The following DAB1 variants were observed in gnomAD, a reference collection of about 807,000 sequenced individuals.
DAB1 encodes the protein disabled homolog 1.
In DAB1, 15 loss-of-function variants were observed where a neutral mutation model predicts 64.6. That is an observed-to-expected ratio of 0.23 (90% CI 0.16 to 0.36). The LOEUF (loss-of-function observed/expected upper bound fraction) is 0.36, where lower values mean the gene tolerates loss of function less well. Ranked by LOEUF, DAB1 falls within the 10% of genes least tolerant of loss-of-function variation. The pLI is 1.00. For missense variants in DAB1, 596 were observed against 706.7 expected (o/e 0.84, Z 1.78); for synonymous variants, 235 against 251.9 (o/e 0.93, Z 0.64).
chr1:57,689,531 G>A (rs1263704401), intron 6 of DAB1, among the ~76,000 whole-genome samples: 1 of 152,178 alleles, frequency 6.6e-6, no homozygotes, highest in African/African-American at 2.4e-5. Context: ...AGTACCTAAA[G>A]AGATGGAGGC....
intron 4 of DAB1, among the ~76,000 whole-genome samples, chr1:58,166,443 CATA>C (rs1341091559): frequency 1.3e-5 from 2 of 152,082 alleles, no homozygotes; most frequent in Non-Finnish European, 2.9e-5. Flanking sequence ...ACTTATTTAG[CATA>C]ATATTTTTGA....
At chr1:58,310,624 C>T (rs1375359866) in intron 4 of DAB1, among the ~76,000 whole-genome samples, 1 of 152,126 alleles carries the variant, frequency 6.6e-6, no homozygotes, top group Admixed American at 6.5e-5. Flanking sequence ...GTGTCCTGTG[C>T]ACACAGACTG....
At chr1:57,636,109 AAAAAC>A (rs1646052119) in intron 7 of DAB1, among the ~76,000 whole-genome samples, 3 of 148,612 alleles carry the variant, frequency 2.0e-5, no homozygotes, top group Non-Finnish European at 3.0e-5. Flanking sequence ...AAAAAAAAAA[AAAAAC>A]AAAAACAAAA....
intron 3 of DAB1, among the ~76,000 whole-genome samples, chr1:58,447,381 C>T (rs72669861): frequency 0.039 from 5,771 of 148,796 alleles, 158 homozygotes; most frequent in East Asian, 0.13. Flanking sequence ...AGTTGATCAA[C>T]TTTCAGTCTC....
intron 4 of DAB1, among the ~76,000 whole-genome samples, chr1:57,121,270 A>G (rs577742025): frequency 8.5e-5 from 13 of 152,126 alleles, no homozygotes; most frequent in Admixed American, 5.9e-4. Flanking sequence ...ATACTTGTGC[A>G]AAGAACATAT....
At chr1:58,275,760 T>C (rs1291379998) in intron 4 of DAB1, among the ~76,000 whole-genome samples, 2 of 152,194 alleles carry the variant, frequency 1.3e-5, no homozygotes, top group African/African-American at 4.8e-5. Flanking sequence ...ACAGAAATAG[T>C]ATGGTGGTTC....
At chr1:57,482,685 C>T (rs1570561589) in intron 7 of DAB1, among the ~76,000 whole-genome samples, 1 of 152,176 alleles carries the variant, frequency 6.6e-6, no homozygotes, top group East Asian at 1.9e-4. Context: ...AATCTTATTC[C>T]ATTTGCACAA....
At chr1:57,533,814 T>C (rs531094499) in intron 7 of DAB1, among the ~76,000 whole-genome samples, 69 of 152,216 alleles carry the variant, frequency 4.5e-4, no homozygotes, top group African/African-American at 1.5e-3. Flanking sequence ...ACGATCATTG[T>C]CTTCAAAAAT....
At chr1:57,708,067 G>T (rs1646988356) in intron 6 of DAB1, among the ~76,000 whole-genome samples, 1 of 152,184 alleles carries the variant, frequency 6.6e-6, no homozygotes, top group African/African-American at 2.4e-5. Context: ...GGTCACATCT[G>T]AAGCCTTACA....
chr1:57,318,014 T>G (rs1675364927), intron 1 of DAB1, among the ~76,000 whole-genome samples: 1 of 152,160 alleles, frequency 6.6e-6, no homozygotes, highest in African/African-American at 2.4e-5. Context: ...CATTTGTATC[T>G]AAGTTCATTT....
At chr1:57,876,926 T>C (rs1250707428) in intron 1 of DAB1, 1 of 151,940 alleles carries the variant, frequency 6.6e-6, no homozygotes, top group Non-Finnish European at 1.5e-5. Context: ...GGATAGGGAT[T>C]GGAAATGAAG....
intron 4 of DAB1, among the ~76,000 whole-genome samples, chr1:57,089,108 G>A (rs150370243): frequency 6.6e-6 from 1 of 152,170 alleles, no homozygotes; most frequent in African/African-American, 2.4e-5. Context: ...CCACCTTATA[G>A]AACTGTTATG....
intron 3 of DAB1, chr1:58,415,552 T>C (rs1336623143): frequency 5.6e-6 from 1 of 177,322 alleles, no homozygotes; most frequent in African/African-American, 2.4e-5. Context: ...CAAAAATATG[T>C]ATGCATTCAG....
At chr1:58,173,588 C>A (rs944322424) in intron 4 of DAB1, among the ~76,000 whole-genome samples, 2 of 152,128 alleles carry the variant, frequency 1.3e-5, no homozygotes, top group African/African-American at 4.8e-5. Flanking sequence ...CACAGGGAGC[C>A]ACTCAGTTTG....
intron 7 of DAB1, among the ~76,000 whole-genome samples, chr1:57,515,583 C>T (rs184719919): frequency 3.5e-4 from 53 of 152,348 alleles, no homozygotes; most frequent in African/African-American, 1.2e-3. Context: ...CAATAGTCCT[C>T]TTCTTCCAGA....
downstream of DAB1, among the ~76,000 whole-genome samples, chr1:57,825,243 G>A (rs1317619317): frequency 2.6e-5 from 4 of 152,188 alleles, no homozygotes; most frequent in African/African-American, 9.7e-5. Context: ...AGAAAGCTCT[G>A]ACATCTTTAC....
chr1:57,553,424 AAG>A (rs1296903640), intron 7 of DAB1, among the ~76,000 whole-genome samples: 2 of 16,360 alleles, frequency 1.2e-4, no homozygotes, highest in Admixed American at 5.0e-4. Context: ...GAAAGAAAGA[AAG>A]AAAGAAAGAA....
chr1:58,037,096 T>C (rs1007240058), intron 5 of DAB1, among the ~76,000 whole-genome samples: 1 of 152,098 alleles, frequency 6.6e-6, no homozygotes, highest in Non-Finnish European at 1.5e-5. Flanking sequence ...TAGACCGCTA[T>C]CATTTTCCTG....
At chr1:57,517,249 A>G (rs1199251491) in intron 7 of DAB1, among the ~76,000 whole-genome samples, 2 of 151,342 alleles carry the variant, frequency 1.3e-5, no homozygotes, top group African/African-American at 2.4e-5. Context: ...GCAGCTTCAG[A>G]CTCCTGAGCT....
Sources: gnomAD v4.1 joint callset for allele counts (sites outside exome capture counted in the v4.1 genomes callset) on GRCh38, gnomAD v4.1.1 for gene constraint, MANE v1.5 for transcripts, NCBI Gene and HGNC (gene_info 2026-07-23, HGNC 2026-07-21) for gene names.